The following CNGA3 variants were observed in gnomAD, a reference collection of about 807,000 sequenced individuals.
CNGA3 encodes cyclic nucleotide gated channel subunit alpha 3, also known as cyclic nucleotide-gated channel alpha-3.
Under a neutral mutation model 46.6 loss-of-function variants are expected in CNGA3, and 42 were observed. That is an observed-to-expected ratio of 0.90 (90% CI 0.70 to 1.17). The LOEUF (loss-of-function observed/expected upper bound fraction) is 1.17. Among genes scored for constraint, CNGA3 ranks in the 50% most tolerant of loss-of-function variants. The probability of loss-of-function intolerance (pLI) is 0.00; values close to 1 mark genes in which losing one functional copy is unlikely to be tolerated. For synonymous variants in CNGA3, 394 were observed against 369.4 expected, an observed-to-expected ratio of 1.07 and a Z score of -0.76; for missense variants, 893 against 890.7, an observed-to-expected ratio of 1.00 and a Z score of -0.03.
At chr2:98,354,260 G>A (rs13391875) in intron 1 of CNGA3, among the ~76,000 whole-genome samples, 6,615 of 152,134 alleles carry the variant, frequency 0.043, 180 homozygotes, top group South Asian at 0.059. Flanking sequence ...TTCAATCTGT[G>A]ATTGGTTGAA....
Position 98,392,314 on chromosome 2 carries a change from C to A in CNGA3, c.673+344C>A, listed in dbSNP as rs144570402. On this transcript the variant is annotated intron_variant, in intron 7 of 7. Coordinates refer to ENST00000272602, the MANE Select transcript of CNGA3 (RefSeq NM_001298.3). The stretch of plus-strand genomic sequence containing the variant: ...GTGGCTCACATCTGTAATCCTAGGA[C>A]TTTGGGAGGCCAAGGTGGACAGATT... Among the ~76,000 whole-genome samples the A allele has an allele frequency of 1.9e-3, 284 of 152,282 alleles. 1 individual carries two copies. The highest frequency in any genetic ancestry group is 6.3e-3 in the African/African-American group (262 of 41,542).
At chr2:98,369,353 C>T (rs558951017) in intron 1 of CNGA3, among the ~76,000 whole-genome samples, 55 of 152,190 alleles carry the variant, frequency 3.6e-4, no homozygotes, top group Admixed American at 2.0e-3. Context: ...ACATCTCTGA[C>T]GCTCAGTTTA....
intron 3 of CNGA3, 106 bp from the exon 4 acceptor site, chr2:98,380,069 A>G (rs1225304907): frequency 3.0e-6 from 4 of 1,331,176 alleles, no homozygotes; most frequent in Non-Finnish European, 4.2e-6. Context: ...CCATCCCTTG[A>G]GACAGACAGA....
rs572103716 is a variant in CNGA3, at chr2:98,366,277, G to A, written c.-37-3662G>A. On this transcript the variant is annotated intron_variant, in intron 1 of 7. Coordinates refer to ENST00000272602, the MANE Select transcript of CNGA3 (RefSeq NM_001298.3). The stretch of plus-strand genomic sequence containing the variant: ...AAGATGGCTGCCTGCTCCTTCATCC[G>A]GGAGATCCGTCTCAAAGGGGCGCTG... Among the ~76,000 whole-genome samples, 5 of 152,256 alleles carry A rather than the reference G, an allele frequency of 3.3e-5. No individual in the cohort carries two copies. The South Asian group carries it at 1.0e-3, about 32-fold the overall frequency.
intron 5 of CNGA3, among the ~76,000 whole-genome samples, chr2:98,387,574 C>G (rs112236655): frequency 2.6e-5 from 4 of 152,318 alleles, no homozygotes; most frequent in African/African-American, 9.6e-5. Flanking sequence ...GAAGAGGCAG[C>G]AGTGTGAAGT....
At chr2:98,367,418 T>A (rs1411583333) in intron 1 of CNGA3, among the ~76,000 whole-genome samples, 2 of 151,994 alleles carry the variant, frequency 1.3e-5, no homozygotes, top group East Asian at 3.9e-4. Context: ...ATGGTCTCAA[T>A]CTCCTAACCT....
intron 2 of CNGA3, 75 bp downstream of exon 2, chr2:98,370,151 G>T: frequency 8.1e-7 from 1 of 1,240,888 alleles, no homozygotes; most frequent in Non-Finnish European, 1.2e-6. Context: ...AGACTGTGGG[G>T]GAAGAATGCC....
At chr2:98,358,479 C>T (rs527815933) in intron 1 of CNGA3, among the ~76,000 whole-genome samples, 111 of 151,816 alleles carry the variant, frequency 7.3e-4, no homozygotes, top group Non-Finnish European at 1.5e-3. Flanking sequence ...ATGAAATTGT[C>T]ATGCAAAAAA....
chr2:98,390,228 C>T (rs1302499012), intron 6 of CNGA3, among the ~76,000 whole-genome samples: 2 of 151,890 alleles, frequency 1.3e-5, no homozygotes, highest in East Asian at 1.9e-4. Context: ...CTCCACCTCC[C>T]GGGTTAAAGC....
intron 2 of CNGA3, among the ~76,000 whole-genome samples, chr2:98,375,228 T>C (rs1040498633): frequency 2.2e-4 from 34 of 152,264 alleles, no homozygotes; most frequent in Non-Finnish European, 4.6e-4. Flanking sequence ...CAAATAAATC[T>C]GGTCTCAGGA....
chr2:98,371,297 C>T (rs1692280880), intron 2 of CNGA3, among the ~76,000 whole-genome samples: 1 of 152,200 alleles, frequency 6.6e-6, no homozygotes. Context: ...TCAGTCCCCA[C>T]CTCCCTGCAC....
At chr2:98,369,843 A>T (rs752156978) in intron 1 of CNGA3, 96 bp from the exon 2 acceptor site, 1 of 744,904 alleles carries the variant, frequency 1.3e-6, no homozygotes, top group Non-Finnish European at 2.3e-6. Context: ...CAGGGCTTGC[A>T]GGGGGGCCGC....
At chr2:98,377,332 C>T (rs924734243) in intron 2 of CNGA3, 49 of 245,732 alleles carry the variant, frequency 2.0e-4, no homozygotes, top group African/African-American at 7.5e-4. Flanking sequence ...CCAAAATCCT[C>T]GTTCTGGAGT....
Position 98,396,725 on chromosome 2 carries a change from A to T in CNGA3, c.1555A>T (p.Met519Leu). ...ICKKGDIGKEMYIINEGKLAV... is the reference protein window; with the variant it reads ...ICKKGDIGKELYIINEGKLAV... Reference sequence around the variant, plus strand: ...CAAGAAGGGAGATATTGGGAAGGAGATGTACATCATCAACGAGGGCAAGCT... The same window carrying T: ...CAAGAAGGGAGATATTGGGAAGGAGTTGTACATCATCAACGAGGGCAAGCT... Residue 519 changes from methionine to leucine, a missense_variant, in exon 8 of 8, where the codon ATG becomes TTG. Met to Leu is a conservative substitution (Grantham distance 15). Coordinates refer to ENST00000272602, the MANE Select transcript of CNGA3 (RefSeq NM_001298.3). The T allele has an allele frequency of 6.2e-7, 1 of 1,614,040 alleles. No individual in the cohort carries two copies. Among genetic ancestry groups the T allele is most frequent in the Non-Finnish European group, 8.5e-7 (1 of 1,180,022 alleles).
At chr2:98,346,661 C>G (rs1382052931) in intron 1 of CNGA3, 127 bp downstream of exon 1, 1 of 390,814 alleles carries the variant, frequency 2.6e-6, no homozygotes. Flanking sequence ...CTGCTGCTTC[C>G]AGGGGCGGGC....
At chr2:98,378,555 A>G (rs1010762914) in intron 3 of CNGA3, among the ~76,000 whole-genome samples, 3 of 152,194 alleles carry the variant, frequency 2.0e-5, no homozygotes, top group Non-Finnish European at 4.4e-5. Flanking sequence ...AGAAATTCAC[A>G]TATCTATTTA....
At chr2:98,386,853 GC>G (rs1692664142) in intron 5 of CNGA3, among the ~76,000 whole-genome samples, 1 of 152,158 alleles carries the variant, frequency 6.6e-6, no homozygotes, top group Non-Finnish European at 1.5e-5. Context: ...AGGGATCTCA[GC>G]CCCACAATCG....
Position 98,360,388 on chromosome 2 carries a change from C to A in CNGA3, c.-37-9551C>A, listed in dbSNP as rs116522290. 6.2e-3 allele frequency among the ~76,000 whole-genome samples: 940 copies of A among 152,308 alleles called. 9 individuals are homozygous for A. The highest frequency in any genetic ancestry group is 0.022 in the African/African-American group (894 of 41,574). The stretch of plus-strand genomic sequence containing the variant: ...GCTGAGGGGGCTGAAGGAAGGGGCA[C>A]AGGCTGGAGACAATGCACTTTATTT... On this transcript the variant is annotated intron_variant, in intron 1 of 7. Coordinates refer to ENST00000272602, the MANE Select transcript of CNGA3 (RefSeq NM_001298.3).
At chr2:98,357,459 C>T (rs1306880172) in intron 1 of CNGA3, among the ~76,000 whole-genome samples, 3 of 152,218 alleles carry the variant, frequency 2.0e-5, no homozygotes, top group African/African-American at 7.2e-5. Context: ...CCTCCCCATC[C>T]TGCATTGCAC....
Sources: gnomAD v4.1 joint callset for allele counts (sites outside exome capture counted in the v4.1 genomes callset) on GRCh38, gnomAD v4.1.1 for gene constraint, MANE v1.5 for transcripts, NCBI Gene and HGNC (gene_info 2026-07-23, HGNC 2026-07-21) for gene names.